The following CORO2A variants were observed in gnomAD, a reference collection of about 807,000 sequenced individuals.
The protein encoded by CORO2A is coronin 2A.
In CORO2A, 47 loss-of-function variants were observed where a neutral mutation model predicts 62.4. The observed-to-expected ratio is 0.75, with a 90% CI of 0.60 to 0.96. The LOEUF (loss-of-function observed/expected upper bound fraction) is 0.96. Among genes scored for constraint, CORO2A ranks in the 40% least tolerant of loss-of-function variants. The probability of loss-of-function intolerance (pLI) is 0.00; values close to 1 mark genes in which losing one functional copy is unlikely to be tolerated. For synonymous variants in CORO2A, 273 were observed against 268.9 expected (o/e 1.02, Z -0.15); for missense variants, 610 against 684.1 (o/e 0.89, Z 1.21).
chr9:98,143,788 C>G (rs1345227664), intron 2 of CORO2A, among the ~76,000 whole-genome samples: 1 of 152,184 alleles, frequency 6.6e-6, no homozygotes, highest in Non-Finnish European at 1.5e-5. Flanking sequence ...GACTCCCATC[C>G]TTTCCTACAT....
chr9:98,126,567 T>TG lies in CORO2A; in HGVS notation c.1427dup (p.Pro477ThrfsTer6). 8 of 1,613,788 alleles carry TG rather than the reference T, an allele frequency of 5.0e-6. No individual in the cohort carries two copies. The highest frequency in any genetic ancestry group is 1.7e-4 in the Middle Eastern group (1 of 6,060). On this transcript the variant is annotated frameshift_variant, in exon 11 of 12. Transcript: ENST00000375077. LOFTEE classifies it high-confidence loss of function. ...TTCACACCTCATTCTCTGTCTTTGG[T>TG]GGGGGGCATTCGAAAACGTCAAAGC...
intron 2 of CORO2A, among the ~76,000 whole-genome samples, chr9:98,154,598 T>C (rs1476019029): frequency 6.6e-6 from 1 of 151,986 alleles, no homozygotes; most frequent in Admixed American, 6.6e-5. Flanking sequence ...TTCATGGTAG[T>C]CTCTTCTTTG....
intron 1 of CORO2A, among the ~76,000 whole-genome samples, chr9:98,187,909 C>T (rs1828258993): frequency 6.6e-6 from 1 of 152,222 alleles, no homozygotes; most frequent in Non-Finnish European, 1.5e-5. Flanking sequence ...CTCCATGAGA[C>T]ACAGTTTCAA....
intron 1 of CORO2A, among the ~76,000 whole-genome samples, chr9:98,191,294 G>C (rs1397933860): frequency 6.6e-6 from 1 of 152,212 alleles, no homozygotes; most frequent in African/African-American, 2.4e-5. Flanking sequence ...ACACATTCCA[G>C]TCCTGATGCA....
rs45442996 is a variant in CORO2A at position 98,122,472 on chromosome 9, T to C, written c.*2302A>G. The C allele has an allele frequency of 1.1e-4, 16 of 152,270 alleles. No individual in the cohort carries two copies. Among genetic ancestry groups the C allele is most frequent in the Non-Finnish European group, 2.2e-4 (15 of 68,044 alleles). The allele number at this position is 152,270 out of a possible 1,614,324, so 9.4% of individuals were successfully genotyped here. A position where few individuals can be genotyped will look rare whatever the true frequency, so the allele number is the denominator to read the frequency against. On this transcript the variant is annotated 3_prime_UTR_variant, in exon 12 of 12. Coordinates refer to ENST00000375077, the MANE Select transcript of CORO2A (RefSeq NM_052820.4). ...ATCGCCCTGTGCAATGGAGATCATC[T>C]GCCCCTCCTTGGTAAGGAGGGACCA...
rs1212904464 is a variant in CORO2A at position 98,124,809 on chromosome 9, T to C, written c.1543A>G (p.Ile515Val). ...TCTGAGCCCATCCGCAAGTTTTTGATCTCCAGTTCCAACTGTTTGGCCTGG... is the reference window on the plus strand; with the variant it reads ...TCTGAGCCCATCCGCAAGTTTTTGACCTCCAGTTCCAACTGTTTGGCCTGG... ...EVQAKQLELE[I>V]KNLRMGSEQL is the part of the protein sequence containing the mutation. Residue 515 changes from isoleucine to valine, a missense_variant, in exon 12 of 12, where the codon ATC (isoleucine) becomes GTC (valine). Coordinates refer to ENST00000375077, the MANE Select transcript of CORO2A (RefSeq NM_052820.4). 8 of 1,611,432 alleles carry C rather than the reference T, an allele frequency of 5.0e-6. No homozygotes were observed. Among genetic ancestry groups the C allele is most frequent in the South Asian group, 1.1e-5 (1 of 90,336 alleles).
chr9:98,137,759 C>T (rs891277827), intron 2 of CORO2A, 71 bp from the exon 3 acceptor site: 4 of 1,100,500 alleles, frequency 3.6e-6, no homozygotes, highest in Middle Eastern at 2.0e-4. Flanking sequence ...GTCACATAGT[C>T]AGTTAGCAAC....
At chr9:98,152,630 T>C (rs1333004144) in intron 2 of CORO2A, among the ~76,000 whole-genome samples, 2 of 152,202 alleles carry the variant, frequency 1.3e-5, no homozygotes, top group East Asian at 3.8e-4. Flanking sequence ...ATTTGCACTA[T>C]TTAACAAATA....
At chr9:98,148,509 G>T (rs535239109) in intron 2 of CORO2A, among the ~76,000 whole-genome samples, 6 of 149,938 alleles carry the variant, frequency 4.0e-5, no homozygotes, top group Admixed American at 6.6e-5. Context: ...GAAGTTTGGG[G>T]TGGGTGGATC....
intron 1 of CORO2A, among the ~76,000 whole-genome samples, chr9:98,181,570 C>T (rs1022942502): frequency 2.0e-5 from 3 of 152,014 alleles, no homozygotes; most frequent in African/African-American, 2.4e-5. Flanking sequence ...GACCCCTCGG[C>T]GGCCATTGTT....
Position 98,123,852 on chromosome 9 carries a change from A to G in CORO2A, c.*922T>C, listed in dbSNP as rs1322995288. The G allele has an allele frequency of 6.6e-6, 1 of 151,810 alleles. No homozygotes were observed. Among genetic ancestry groups the G allele is most frequent in the African/African-American group, 2.4e-5 (1 of 41,312 alleles). The allele number at this position is 151,810 out of a possible 1,614,324, so 9.4% of individuals were successfully genotyped here. A position where few individuals can be genotyped will look rare whatever the true frequency, so the allele number is the denominator to read the frequency against. ...TTATTTTTAGTGGAGACGGGGTTTC[A>G]CCATGTTGGCCAGGCTGGTCTTGAA... On this transcript the variant is annotated 3_prime_UTR_variant, in exon 12 of 12. Transcript: ENST00000375077.
intron 1 of CORO2A, among the ~76,000 whole-genome samples, chr9:98,167,898 T>A (rs192695677): frequency 6.6e-6 from 1 of 152,354 alleles, no homozygotes; most frequent in East Asian, 1.9e-4. Context: ...TGATGGCTAC[T>A]GAAAGTGGGT....
At chr9:98,133,325 C>T (rs1458922894) in intron 4 of CORO2A, 108 bp from the exon 5 acceptor site, 6 of 1,124,278 alleles carry the variant, frequency 5.3e-6, no homozygotes, top group Admixed American at 4.7e-5. Context: ...GGGAGGGTGG[C>T]GCAGCTGGCA....
intron 1 of CORO2A, among the ~76,000 whole-genome samples, chr9:98,188,338 AC>A (rs1277001957): frequency 6.6e-6 from 1 of 151,750 alleles, no homozygotes; most frequent in African/African-American, 2.4e-5. Flanking sequence ...TTTATTTATC[AC>A]CTATTCATCT....
intron 2 of CORO2A, among the ~76,000 whole-genome samples, chr9:98,156,525 T>C (rs1827804548): frequency 6.6e-6 from 1 of 152,266 alleles, no homozygotes; most frequent in Non-Finnish European, 1.5e-5. Context: ...TTATGGCCTA[T>C]AAATTATTTA....
chr9:98,126,917 CAG>C (rs752615673), intron 10 of CORO2A, 94 bp from the exon 11 acceptor site: 2 of 1,338,508 alleles, frequency 1.5e-6, no homozygotes, highest in Non-Finnish European at 2.1e-6. Flanking sequence ...CAGAGACACT[CAG>C]AGCCATGCAG....
At chr9:98,162,924 G>A (rs930106029) in intron 1 of CORO2A, among the ~76,000 whole-genome samples, 3 of 152,190 alleles carry the variant, frequency 2.0e-5, no homozygotes, top group African/African-American at 4.8e-5. Flanking sequence ...CAGCCGATTC[G>A]AGCCAGGTCT....
chr9:98,157,111 CT>C (rs769000953), intron 2 of CORO2A, among the ~76,000 whole-genome samples: 1 of 152,106 alleles, frequency 6.6e-6, no homozygotes, highest in Non-Finnish European at 1.5e-5. Context: ...GTTTGTTTCC[CT>C]TTTTTTGGTG....
At position 98,169,016 on chromosome 9, in the gene CORO2A, T is replaced by C. The variant is rs377606628; in HGVS notation, c.1-11356A>G. ...TAGTGCTGAGGGACCTGGGACGGGGTGGAGGGGTGGGGGAAGAAGCCCTTT... is the reference window on the plus strand; with the variant it reads ...TAGTGCTGAGGGACCTGGGACGGGGCGGAGGGGTGGGGGAAGAAGCCCTTT... On this transcript the variant is annotated intron_variant, in intron 1 of 11. Transcript: ENST00000375077. 1.4e-4 allele frequency among the ~76,000 whole-genome samples: 22 copies of C among 151,758 alleles called. No individual in the cohort carries two copies. In the East Asian group the frequency reaches 4.1e-3, roughly 28 times the overall value.
Sources: allele counts gnomAD v4.1 joint callset (sites outside exome capture counted in the v4.1 genomes callset), GRCh38; gene constraint gnomAD v4.1.1; transcripts MANE v1.5; gene names NCBI Gene and HGNC (gene_info 2026-07-23, HGNC 2026-07-21).